PARP14: variants seen among roughly 807,000 people sequenced by gnomAD.
PARP14 encodes the protein protein mono-ADP-ribosyltransferase PARP14.
Under a neutral mutation model 154.2 loss-of-function variants are expected in PARP14, and 59 were observed. The ratio of observed to expected loss-of-function variants is 0.38; its 90% CI spans 0.31 to 0.48. The LOEUF is 0.48. PARP14 is among the 20% of genes least tolerant of loss of function. The pLI, the probability that PARP14 is intolerant of heterozygous loss-of-function variation, is 0.98. For synonymous variants in PARP14, 720 were observed against 780.5 expected, an observed-to-expected ratio of 0.92 and a Z score of 1.29; for missense variants, 1,734 against 2,131.6, an observed-to-expected ratio of 0.81 and a Z score of 3.67.
In PARP14 at chr3:122,700,789, T is replaced by C. The variant is rs1443958813; in HGVS notation, c.2235T>C (p.Thr745=). ...CAGTCTGTGTTAAAAGTGTCCATAC[T>C]GATAAGCCAGGAGCCAAGCAGTTCT... ...WDSVCVKSVH[T]DKPGAKQFFQ... The change falls in exon 6 of 17, where the codon ACT becomes ACC. Residue 745 remains threonine (T), a synonymous_variant. Transcript: ENST00000474629. 6.2e-7 allele frequency: 1 copy of C among 1,613,660 alleles called. No homozygotes were observed. Among genetic ancestry groups the C allele is most frequent in the East Asian group, 2.2e-5 (1 of 44,882 alleles).
Position 122,700,355 on chromosome 3 carries a change from A to G in PARP14, c.1801A>G (p.Ile601Val). 1 of 1,613,936 alleles carries G rather than the reference A, an allele frequency of 6.2e-7. No homozygotes were observed. The highest frequency in any genetic ancestry group is 2.2e-5 in the East Asian group (1 of 44,870). The stretch of plus-strand genomic sequence containing the variant: ...GCTCAGTGCCTTAAATTATAAGCGC[A>G]TTGAAGTTGAGAACAAAGAAGTTCT... The part of the protein sequence containing the change: ...QMLSALNYKR[I>V]EVENKEVLHG... Residue 601 changes from isoleucine (I) to valine (V), a missense_variant, in exon 6 of 17, where the codon ATT (isoleucine) becomes GTT (valine). Transcript: ENST00000474629.
At chr3:122,690,150 G>A (rs1392499168) in intron 3 of PARP14, among the ~76,000 whole-genome samples, 1 of 152,166 alleles carries the variant, frequency 6.6e-6, no homozygotes, top group Non-Finnish European at 1.5e-5. Context: ...AGCCTTTCTT[G>A]TGGTGAAGCG....
At chr3:122,689,271 C>G (rs941657584) in intron 3 of PARP14, among the ~76,000 whole-genome samples, 1 of 152,208 alleles carries the variant, frequency 6.6e-6, no homozygotes, top group African/African-American at 2.4e-5. Flanking sequence ...ACCTACTAGA[C>G]ATTTCACGCA....
intron 6 of PARP14, among the ~76,000 whole-genome samples, chr3:122,702,139 G>A (rs982191872): frequency 8.5e-5 from 13 of 152,210 alleles, no homozygotes; most frequent in African/African-American, 2.7e-4. Context: ...GAAGTTACAG[G>A]TGCCAGGCAA....
At chr3:122,705,196 T>A (rs1173731917) in intron 8 of PARP14, among the ~76,000 whole-genome samples, 1 of 152,256 alleles carries the variant, frequency 6.6e-6, no homozygotes, top group Admixed American at 6.5e-5. Context: ...CAATATTGTA[T>A]CACACCTAAA....
Position 122,718,548 on chromosome 3 carries a change from A to T in PARP14, c.4397A>T (p.Asp1466Val), listed in dbSNP as rs1156655918. The part of the protein sequence containing the change: ...PYTSEDECIK[D>V]FDEKEYQELN... ...ACCAGTGAAGATGAGTGCATCAAAGACTTTGATGAAAAGGAGTATCAGGAG... is the reference window on the plus strand; with the variant it reads ...ACCAGTGAAGATGAGTGCATCAAAGTCTTTGATGAAAAGGAGTATCAGGAG... Residue 1466 changes from aspartate (D) to valine (V), a missense_variant, in exon 14 of 17, where the codon GAC becomes GTC. Asp to Val is a radical substitution (Grantham distance 152). Around this residue, in one of 2 missense-constraint regions of PARP14, gnomAD observed 1,646 missense variants for 1,976.0 expected, o/e 0.83. Coordinates refer to ENST00000474629, the MANE Select transcript of PARP14 (RefSeq NM_017554.3). 4 of 1,612,402 alleles carry T rather than the reference A, an allele frequency of 2.5e-6. No individual in the cohort carries two copies. Among genetic ancestry groups the T allele is most frequent in the Non-Finnish European group, 3.4e-6 (4 of 1,178,548 alleles).
chr3:122,697,923 G>A (rs1440477182), intron 5 of PARP14, among the ~76,000 whole-genome samples: 2 of 152,198 alleles, frequency 1.3e-5, no homozygotes, highest in African/African-American at 4.8e-5. Context: ...TGGCCTTGGT[G>A]CTTACTAGCT....
chr3:122,713,582 A>T lies in PARP14; in HGVS notation c.3769+9A>T, dbSNP rs952247570. ...ATTCAATCTCAAAGCAGGTACTTGTACAATTTTGATGAGTGCAATAGTTAA... is the reference window on the plus strand; with the variant it reads ...ATTCAATCTCAAAGCAGGTACTTGTTCAATTTTGATGAGTGCAATAGTTAA... On this transcript the variant is annotated intron_variant, in intron 10 of 16. Coordinates refer to ENST00000474629, the MANE Select transcript of PARP14 (RefSeq NM_017554.3). 5.0e-6 allele frequency: 8 copies of T among 1,612,550 alleles called. No homozygotes were observed. The highest frequency in any genetic ancestry group is 6.8e-6 in the Non-Finnish European group (8 of 1,178,742).
In PARP14 at chr3:122,700,468, T is replaced by C; in HGVS notation, c.1914T>C (p.Thr638=). 1 of 1,612,982 alleles carries C rather than the reference T, an allele frequency of 6.2e-7. No individual in the cohort carries two copies. The highest frequency in any genetic ancestry group is 8.5e-7 in the Non-Finnish European group (1 of 1,179,362). The change falls in exon 6 of 17, where the codon ACT becomes ACC. Residue 638 remains threonine (T), a synonymous_variant. Coordinates refer to ENST00000474629, the MANE Select transcript of PARP14 (RefSeq NM_017554.3). ...SPNTVIINEL[T]SETTAEVIIT... is the part of the protein sequence containing the mutation. ...ACACTGTAATCATCAATGAGTTAACTTCAGAAACCACAGCTGAAGTCATCA... is the reference window on the plus strand; with the variant it reads ...ACACTGTAATCATCAATGAGTTAACCTCAGAAACCACAGCTGAAGTCATCA...
intron 12 of PARP14, 115 bp from the exon 13 acceptor site, chr3:122,717,956 G>A: frequency 1.3e-6 from 1 of 746,676 alleles, no homozygotes; most frequent in East Asian, 2.7e-5. Flanking sequence ...CCACAATGAT[G>A]AAAGAATTGA....
chr3:122,716,754 C>T (rs535727693), intron 12 of PARP14, among the ~76,000 whole-genome samples: 1 of 152,318 alleles, frequency 6.6e-6, no homozygotes, highest in African/African-American at 2.4e-5. Flanking sequence ...CTCCATGCTT[C>T]CTCCATACCC....
At chr3:122,698,553 G>A (rs186537076) in intron 5 of PARP14, among the ~76,000 whole-genome samples, 1 of 152,290 alleles carries the variant, frequency 6.6e-6, no homozygotes, top group East Asian at 1.9e-4. Flanking sequence ...AAGAGGATGG[G>A]CGTTGGGGTT....
At chr3:122,727,224 G>T (rs571513138) in intron 15 of PARP14, among the ~76,000 whole-genome samples, 59 of 152,246 alleles carry the variant, frequency 3.9e-4, no homozygotes, top group African/African-American at 1.4e-3. Context: ...CTGCAACCCA[G>T]GACCCAAGCA....
chr3:122,726,991 A>G (rs1179297221), intron 15 of PARP14, among the ~76,000 whole-genome samples: 2 of 145,128 alleles, frequency 1.4e-5, no homozygotes, highest in Non-Finnish European at 3.1e-5. Context: ...AGAAAACCCA[A>G]AACTGGAAAA....
intron 11 of PARP14, 86 bp downstream of exon 11, chr3:122,714,020 A>C: frequency 1.0e-6 from 1 of 974,212 alleles, no homozygotes; most frequent in Non-Finnish European, 1.6e-6. Context: ...GGTTGGGGAG[A>C]CAACACTCTA....
intron 9 of PARP14, among the ~76,000 whole-genome samples, chr3:122,709,026 G>GC (rs1939242090): frequency 6.6e-6 from 1 of 151,922 alleles, no homozygotes. Flanking sequence ...TTTAAAGTTT[G>GC]AACTTTATTT....
At chr3:122,719,952 T>C (rs1042140861) in intron 14 of PARP14, among the ~76,000 whole-genome samples, 1 of 152,246 alleles carries the variant, frequency 6.6e-6, no homozygotes, top group Non-Finnish European at 1.5e-5. Context: ...AGATGAGTTA[T>C]ACTGCACCAA....
intron 3 of PARP14, among the ~76,000 whole-genome samples, chr3:122,690,256 T>C (rs1265256213): frequency 6.6e-6 from 1 of 152,256 alleles, no homozygotes; most frequent in East Asian, 1.9e-4. Context: ...TTAAGAGACA[T>C]GCCCAAGGTC....
At chr3:122,726,221 T>C (rs1933283063) in intron 15 of PARP14, among the ~76,000 whole-genome samples, 1 of 152,244 alleles carries the variant, frequency 6.6e-6, no homozygotes, top group Non-Finnish European at 1.5e-5. Flanking sequence ...ATTTCCATGC[T>C]TCCATGTGGG....
Sources: gnomAD v4.1 joint callset for allele counts (sites outside exome capture counted in the v4.1 genomes callset) on GRCh38, gnomAD v4.1.1 for gene constraint, gnomAD v4.1.1 regional missense constraint, MANE v1.5 for transcripts, NCBI Gene and HGNC (gene_info 2026-07-23, HGNC 2026-07-21) for gene names.